CCDC7: variants seen among roughly 807,000 people sequenced by gnomAD.
The protein encoded by CCDC7 is coiled-coil domain-containing protein 7.
A neutral mutation model predicts 196.9 loss-of-function variants in CCDC7; 183 were observed. The ratio of observed to expected loss-of-function variants is 0.93; its 90% confidence interval spans 0.82 to 1.05. The LOEUF (loss-of-function observed/expected upper bound fraction) is 1.05, where lower values mean the gene tolerates loss of function less well. CCDC7 is among the 50% of genes least tolerant of loss of function. The pLI is 0.00. For synonymous variants in CCDC7, 525 were observed against 484.6 expected, an observed-to-expected ratio of 1.08 and a Z score of -1.10; for missense variants, 1,540 against 1,482.2, an observed-to-expected ratio of 1.04 and a Z score of -0.64.
At chr10:32,518,424 A>G (rs762328325) in exon 11 of CCDC7, 1 of 1,600,496 alleles carries the variant, frequency 6.2e-7, no homozygotes, top group South Asian at 1.1e-5. Flanking sequence ...AGGAATACAA[A>G]CAGATGCAGT....
At chr10:32,829,902 G>C (rs117708854) in intron 32 of CCDC7, among the ~76,000 whole-genome samples, 1 of 151,152 alleles carries the variant, frequency 6.6e-6, no homozygotes, top group African/African-American at 2.4e-5. Flanking sequence ...GCAGAAAAAC[G>C]TGAAAATACT....
intron 28 of CCDC7, among the ~76,000 whole-genome samples, chr10:32,753,230 C>G (rs903618985): frequency 6.6e-6 from 1 of 152,016 alleles, no homozygotes; most frequent in Non-Finnish European, 1.5e-5. Flanking sequence ...CAAGTGGAAA[C>G]ACATAGTGTG....
intron 33 of CCDC7, among the ~76,000 whole-genome samples, chr10:32,838,287 A>T (rs2092759106): frequency 6.6e-6 from 1 of 151,994 alleles, no homozygotes; most frequent in Admixed American, 6.6e-5. Context: ...GCCAAGGTTG[A>T]TTTCTGGTGA....
intron 32 of CCDC7, among the ~76,000 whole-genome samples, chr10:32,827,485 C>T (rs1312115287): frequency 6.6e-6 from 1 of 152,200 alleles, no homozygotes; most frequent in African/African-American, 2.4e-5. Flanking sequence ...CGTGGACTCA[C>T]AGAATGCCTT....
chr10:32,447,427 A>T (rs1443856740), upstream of CCDC7, among the ~76,000 whole-genome samples: 1 of 151,898 alleles, frequency 6.6e-6, no homozygotes, highest in Non-Finnish European at 1.5e-5. Flanking sequence ...GATGGTTTTG[A>T]TGGAATTTTT....
At chr10:32,458,964 T>C (rs2034989586) in intron 3 of CCDC7, among the ~76,000 whole-genome samples, 1 of 152,124 alleles carries the variant, frequency 6.6e-6, no homozygotes, top group Non-Finnish European at 1.5e-5. Context: ...CTTTAATTTC[T>C]TTCATCAGTA....
At chr10:32,784,987 G>A (rs1225868713) in intron 29 of CCDC7, among the ~76,000 whole-genome samples, 1 of 152,012 alleles carries the variant, frequency 6.6e-6, no homozygotes, top group Non-Finnish European at 1.5e-5. Flanking sequence ...GGGAGAGAGA[G>A]CAAGACTCTG....
intron 24 of CCDC7, among the ~76,000 whole-genome samples, chr10:32,696,145 C>T (rs999906542): frequency 6.6e-6 from 1 of 152,034 alleles, no homozygotes; most frequent in African/African-American, 2.4e-5. Flanking sequence ...GGGGTGAATA[C>T]AGTCAGGGGT....
chr10:32,728,840 T>C lies in CCDC7; in HGVS notation c.2669-47T>C, dbSNP rs767744809. 7.6e-6 allele frequency: 8 copies of C among 1,055,846 alleles called. No individual in the cohort carries two copies. In the South Asian group the frequency reaches 1.3e-4, roughly 17 times the overall value. The allele number at this position is 1,055,846 out of a possible 1,614,324, so 65.4% of individuals were successfully genotyped here. On this transcript the variant is annotated intron_variant, in intron 26 of 41. Coordinates refer to ENST00000639629, the Ensembl canonical transcript of CCDC7. ...GAGAAATGTACATATTATACATTCA[T>C]AGATTTATGTTTCCATTTGATGGAC...
intron 41 of CCDC7, among the ~76,000 whole-genome samples, chr10:32,873,951 A>G (rs1238635327): frequency 6.6e-6 from 1 of 151,778 alleles, no homozygotes; most frequent in East Asian, 1.9e-4. Flanking sequence ...ATATTTTAAA[A>G]TGAGAAATAA....
chr10:32,597,868 T>A (rs2060568297), intron 18 of CCDC7, among the ~76,000 whole-genome samples: 1 of 152,174 alleles, frequency 6.6e-6, no homozygotes, highest in South Asian at 2.1e-4. Flanking sequence ...TCTGGAAGCT[T>A]CGTCTCAGAG....
intron 21 of CCDC7, among the ~76,000 whole-genome samples, chr10:32,668,850 A>G (rs138512412): frequency 4.9e-4 from 74 of 152,178 alleles, no homozygotes; most frequent in African/African-American, 1.8e-3. Flanking sequence ...TGACCAAGAT[A>G]ATTTTACTTC....
chr10:32,545,229 G>A (rs2052221443), intron 13 of CCDC7, among the ~76,000 whole-genome samples: 1 of 152,150 alleles, frequency 6.6e-6, no homozygotes, highest in South Asian at 2.1e-4. Flanking sequence ...TGCCACACTG[G>A]AAAGAGGACA....
chr10:32,541,603 A>C (rs555470370), intron 11 of CCDC7, among the ~76,000 whole-genome samples: 1 of 152,332 alleles, frequency 6.6e-6, no homozygotes, highest in South Asian at 2.1e-4. Flanking sequence ...TCATCTGGCA[A>C]GAATACATGG....
intron 28 of CCDC7, among the ~76,000 whole-genome samples, chr10:32,741,700 T>C (rs984556225): frequency 8.5e-5 from 13 of 152,188 alleles, no homozygotes; most frequent in African/African-American, 3.1e-4. Context: ...ATTCGTTAAT[T>C]GTATTATTTA....
chr10:32,662,631 T>C (rs528611719), intron 20 of CCDC7, among the ~76,000 whole-genome samples: 7 of 152,270 alleles, frequency 4.6e-5, no homozygotes, highest in Non-Finnish European at 8.8e-5. Context: ...AGAAGGGACT[T>C]AAACAAATGG....
At chr10:32,621,606 G>A (rs2063420635) in intron 18 of CCDC7, among the ~76,000 whole-genome samples, 1 of 152,132 alleles carries the variant, frequency 6.6e-6, no homozygotes, top group Non-Finnish European at 1.5e-5. Flanking sequence ...TGAATCTGAA[G>A]GCCTGAGAAC....
chr10:32,644,781 C>G (rs2067460474), intron 20 of CCDC7, among the ~76,000 whole-genome samples: 1 of 152,186 alleles, frequency 6.6e-6, no homozygotes, highest in Admixed American at 6.5e-5. Context: ...TGCCTTTCAC[C>G]TTCTGACATG....
intron 20 of CCDC7, among the ~76,000 whole-genome samples, chr10:32,645,503 C>CTTTTT (rs35170235): frequency 3.6e-3 from 235 of 64,990 alleles, no homozygotes; most frequent in Middle Eastern, 0.012. Context: ...GAGTCCATGT[C>CTTTTT]TTTTTTTTTT....
Sources: allele counts gnomAD v4.1 joint callset (sites outside exome capture counted in the v4.1 genomes callset), GRCh38; gene constraint gnomAD v4.1.1; transcripts MANE v1.5; gene names NCBI Gene and HGNC (gene_info 2026-07-23, HGNC 2026-07-21).